Variants in IWS1 observed in about 807,000 individuals in gnomAD.
IWS1 encodes the protein interacts with SUPT6H, CTD assembly factor 1.
In IWS1, 27 loss-of-function variants were observed where a neutral mutation model predicts 86.7. That is an observed-to-expected ratio of 0.31 (90% CI 0.23 to 0.43). The LOEUF is 0.43. IWS1 is among the 20% of genes least tolerant of loss of function. The pLI, the probability that IWS1 is intolerant of heterozygous loss-of-function variation, is 1.00. For synonymous variants in IWS1, 313 were observed against 335.1 expected, an observed-to-expected ratio of 0.93 and a Z score of 0.72; for missense variants, 827 against 1,000.8, an observed-to-expected ratio of 0.83 and a Z score of 2.34.
At chr2:127,496,550 T>TAC (rs36048775) in intron 6 of IWS1, among the ~76,000 whole-genome samples, 2,889 of 140,360 alleles carry the variant, frequency 0.021, 46 homozygotes, top group Middle Eastern at 0.046. Context: ...TATTTTATCA[T>TAC]ACACACACAC....
At chr2:127,523,639 G>A (rs774722664) in intron 2 of IWS1, 37 bp downstream of exon 2, 2 of 1,371,642 alleles carry the variant, frequency 1.5e-6, no homozygotes, top group East Asian at 2.3e-5. Flanking sequence ...CAGAACGCAA[G>A]GGAAAAGCCC....
At chr2:127,516,293 G>A (rs992643811) in intron 2 of IWS1, among the ~76,000 whole-genome samples, 4 of 152,074 alleles carry the variant, frequency 2.6e-5, no homozygotes, top group Non-Finnish European at 5.9e-5. Context: ...GCAGTGAGCC[G>A]AGATCGCGTC....
In IWS1 at chr2:127,496,632, G is replaced by A. The variant is rs565092973; in HGVS notation, c.1566-484C>T. 2.0e-4 allele frequency among the ~76,000 whole-genome samples: 31 copies of A among 151,666 alleles called. No individual in the cohort carries two copies. The South Asian group carries it at 5.2e-3, about 25-fold the overall frequency. On this transcript the variant is annotated intron_variant, in intron 6 of 13. Coordinates refer to ENST00000295321, the MANE Select transcript of IWS1 (RefSeq NM_017969.3). ...TGCTCTGTCACCCAGGCTGGAGTGC[G>A]GTGGCACAATCATAGTTCACCGTAG...
chr2:127,520,675 G>C (rs1333538769), intron 2 of IWS1, among the ~76,000 whole-genome samples: 2 of 152,192 alleles, frequency 1.3e-5, no homozygotes, highest in Non-Finnish European at 2.9e-5. Flanking sequence ...TTCCTGGAGA[G>C]GAATTTCTAT....
intron 12 of IWS1, among the ~76,000 whole-genome samples, chr2:127,487,798 C>G (rs949969195): frequency 1.3e-5 from 2 of 152,214 alleles, no homozygotes; most frequent in Non-Finnish European, 2.9e-5. Context: ...GATCTGCCCA[C>G]CTCAGCCTCC....
rs1437290497 is a variant in IWS1 at position 127,489,953 on chromosome 2, GA to G, written c.2048-11del. 7.1e-7 allele frequency: 1 copy of G among 1,417,688 alleles called. No homozygotes were observed. Among genetic ancestry groups the G allele is most frequent in the Admixed American group, 1.8e-5 (1 of 57,034 alleles). The allele number at this position is 1,417,688 out of a possible 1,614,324, so 87.8% of individuals were successfully genotyped here. A position where few individuals can be genotyped will look rare whatever the true frequency, so the allele number is the denominator to read the frequency against. On this transcript the variant is annotated splice_polypyrimidine_tract_variant and intron_variant, in intron 10 of 13. Transcript: ENST00000295321. This position sits in a 1 kb window ranked among gnomAD's most constrained non-coding sequence, Gnocchi z 4.8. Reference sequence around the variant, plus strand: ...GGCCTAGACCACTCATCTGTAGTAAGAAAAAAATCAATTATTTTGTCCATAA... The same window carrying G: ...GGCCTAGACCACTCATCTGTAGTAAGAAAAAATCAATTATTTTGTCCATAA...
In IWS1 at chr2:127,503,518, T is replaced by C. The variant is rs34912560; in HGVS notation, c.1278A>G (p.Ser426=). Residue 426 remains serine (S), a synonymous_variant, in exon 4 of 14, where the codon TCA becomes TCG. Coordinates refer to ENST00000295321, the MANE Select transcript of IWS1 (RefSeq NM_017969.3). The part of the protein sequence containing the change: ...DADDSDSDAV[S]DKSGKREKTI... ...TCTTCTCTCTTTTGCCTGACTTGTC[T>C]GATACAGCATCACTGTCAGAGTCAT... 1.7e-3 allele frequency: 2,795 copies of C among 1,613,648 alleles called. 40 individuals carry two copies. In the African/African-American group the frequency reaches 0.033, roughly 19 times the overall value.
Position 127,526,473 on chromosome 2 carries a change from G to C in IWS1, c.-265C>G, listed in dbSNP as rs1339189072. 2 of 1,526,698 alleles carry C rather than the reference G, an allele frequency of 1.3e-6. No individual in the cohort carries two copies. Among genetic ancestry groups the C allele is most frequent in the Admixed American group, 4.0e-5 (2 of 50,062 alleles). 94.6% of individuals were successfully genotyped at this position (1,526,698 alleles called of 1,614,324 possible). A position where few individuals can be genotyped will look rare whatever the true frequency, so the allele number is the denominator to read the frequency against. On this transcript the variant is annotated 5_prime_UTR_variant, in exon 1 of 14. Transcript: ENST00000295321. ...GTTCTACTTCCTAGAAGCACCGCTG[G>C]GGCCAAAATGGCGTCTGCCCACGAC...
intron 2 of IWS1, among the ~76,000 whole-genome samples, chr2:127,508,243 G>T (rs943417051): frequency 6.6e-6 from 1 of 152,136 alleles, no homozygotes; most frequent in African/African-American, 2.4e-5. Context: ...GTCTGATGAG[G>T]AGCCAGCCAA....
At chr2:127,506,587 A>G (rs1228232633) in intron 2 of IWS1, 1 of 160,598 alleles carries the variant, frequency 6.2e-6, no homozygotes, top group African/African-American at 2.4e-5. Flanking sequence ...AGAAGTTAAC[A>G]TTTCCTAAGT....
intron 12 of IWS1, among the ~76,000 whole-genome samples, chr2:127,488,354 A>G (rs1220026473): frequency 1.3e-5 from 2 of 152,220 alleles, no homozygotes; most frequent in African/African-American, 4.8e-5. Flanking sequence ...CACATTTAAT[A>G]TGCTCAAAAG....
At chr2:127,494,082 A>C (rs1690380538) in intron 8 of IWS1, among the ~76,000 whole-genome samples, 1 of 152,016 alleles carries the variant, frequency 6.6e-6, no homozygotes, top group Non-Finnish European at 1.5e-5. Flanking sequence ...TCAAAGAGAA[A>C]GCAAGGTTGC....
At chr2:127,509,753 C>A (rs1263581225) in intron 2 of IWS1, among the ~76,000 whole-genome samples, 3 of 149,856 alleles carry the variant, frequency 2.0e-5, no homozygotes, top group African/African-American at 7.4e-5. Context: ...TGCCTCATAC[C>A]TCCTTCTTAG....
At chr2:127,483,501 T>C (rs1347856971) in intron 13 of IWS1, among the ~76,000 whole-genome samples, 3 of 147,110 alleles carry the variant, frequency 2.0e-5, no homozygotes, top group Non-Finnish European at 4.5e-5. Flanking sequence ...TAGACCATTA[T>C]GCAGCCATTA....
intron 12 of IWS1, among the ~76,000 whole-genome samples, chr2:127,487,645 G>A (rs1689996711): frequency 6.6e-6 from 1 of 152,112 alleles, no homozygotes; most frequent in African/African-American, 2.4e-5. Flanking sequence ...CCACCTCCTG[G>A]GTTTGTGCCA....
rs930430371 is a variant in IWS1, at chr2:127,499,081, T to C, written c.1468-844A>G. Reference sequence around the variant, plus strand: ...TGTTTATGCTAATATTTGCCAGGCATAATTTTTCTTTTTCTTTTTTTTTTT... The same window carrying C: ...TGTTTATGCTAATATTTGCCAGGCACAATTTTTCTTTTTCTTTTTTTTTTT... On this transcript the variant is annotated intron_variant, in intron 5 of 13. Coordinates refer to ENST00000295321, the MANE Select transcript of IWS1 (RefSeq NM_017969.3). This position sits in a 1 kb window ranked among gnomAD's most constrained non-coding sequence, Gnocchi z 4.0. Among the ~76,000 whole-genome samples, 2 of 132,908 alleles carry C rather than the reference T, an allele frequency of 1.5e-5. No homozygotes were observed. The highest frequency in any genetic ancestry group is 5.7e-5 in the African/African-American group (2 of 35,206). 87.2% of individuals were successfully genotyped at this position (132,908 alleles called of 152,430 possible). A position where few individuals can be genotyped will look rare whatever the true frequency, so the allele number is the denominator to read the frequency against.
intron 2 of IWS1, among the ~76,000 whole-genome samples, chr2:127,506,030 G>A (rs556569792): frequency 6.6e-6 from 1 of 152,270 alleles, no homozygotes; most frequent in East Asian, 1.9e-4. Context: ...ACCGTGAAGA[G>A]CTAGATTTTT....
intron 2 of IWS1, among the ~76,000 whole-genome samples, chr2:127,521,322 T>C (rs975758665): frequency 2.6e-5 from 4 of 152,296 alleles, no homozygotes; most frequent in African/African-American, 9.6e-5. Flanking sequence ...ATAGACGTCA[T>C]ATACCTGGGA....
rs770311253 is a variant in IWS1, at chr2:127,498,193, C to T, written c.1512G>A (p.Gln504=). Residue 504 remains glutamine, a synonymous_variant, in exon 6 of 14, where the codon CAG becomes CAA. Transcript: ENST00000295321. ...AATCTGAATCTTCTGCTTCTTTTAC[C>T]TGTGTTTCACCTTTTTCTTCTTCCA... is the stretch of plus-strand genomic sequence containing the variant. The part of the protein sequence containing the change: ...EDLEEEKGET[Q]VKEAEDSDSD... 6.9e-6 allele frequency: 11 copies of T among 1,586,130 alleles called. No homozygotes were observed. The South Asian group carries it at 1.2e-4, about 18-fold the overall frequency.
Sources: allele counts gnomAD v4.1 joint callset (sites outside exome capture counted in the v4.1 genomes callset), GRCh38; gene constraint gnomAD v4.1.1; non-coding constraint Gnocchi (gnomAD v3.1); transcripts MANE v1.5; gene names NCBI Gene and HGNC (gene_info 2026-07-23, HGNC 2026-07-21).